Variants in BMPER observed in about 807,000 individuals in gnomAD.
BMPER encodes the protein BMP binding endothelial regulator.
In BMPER, 45 loss-of-function variants were observed where a neutral mutation model predicts 87.3. That is an observed-to-expected ratio of 0.52 (90% CI 0.41 to 0.66). The LOEUF (loss-of-function observed/expected upper bound fraction) is 0.66, where lower values mean the gene tolerates loss of function less well. Among genes scored for constraint, BMPER ranks in the 30% least tolerant of loss-of-function variants. BMPER has a pLI of 0.00. For synonymous variants in BMPER, 326 were observed against 316.2 expected, an observed-to-expected ratio of 1.03 and a Z score of -0.33; for missense variants, 784 against 867.5, an observed-to-expected ratio of 0.90 and a Z score of 1.21.
At chr7:33,967,025 C>T (rs1785423092) in intron 4 of BMPER, among the ~76,000 whole-genome samples, 1 of 152,120 alleles carries the variant, frequency 6.6e-6, no homozygotes, top group Non-Finnish European at 1.5e-5. Flanking sequence ...TGATTTCAAC[C>T]TGACAAATTA....
intron 6 of BMPER, among the ~76,000 whole-genome samples, chr7:33,990,343 T>G (rs1356328756): frequency 2.9e-5 from 4 of 138,484 alleles, no homozygotes; most frequent in Non-Finnish European, 4.7e-5. Flanking sequence ...CCCTTGTAAG[T>G]TGGATTCCTA....
chr7:33,914,267 C>T (rs10243847), intron 2 of BMPER, among the ~76,000 whole-genome samples: 39,207 of 152,108 alleles, frequency 0.26, 5,299 homozygotes, highest in Admixed American at 0.29. Flanking sequence ...GCCCGGCCTT[C>T]AGCACAATTT....
intron 6 of BMPER, among the ~76,000 whole-genome samples, chr7:34,019,154 G>A (rs1008165957): frequency 2.6e-5 from 4 of 151,984 alleles, no homozygotes; most frequent in African/African-American, 9.7e-5. Flanking sequence ...CTGCAGGATC[G>A]CATCACTGTG....
At chr7:34,114,714 G>C (rs1159981710) in intron 13 of BMPER, among the ~76,000 whole-genome samples, 1 of 152,256 alleles carries the variant, frequency 6.6e-6, no homozygotes, top group African/African-American at 2.4e-5. Flanking sequence ...AAGGCATCCT[G>C]AGGAAGGTAA....
chr7:33,994,326 G>C (rs189361790), intron 6 of BMPER, among the ~76,000 whole-genome samples: 1 of 152,292 alleles, frequency 6.6e-6, no homozygotes, highest in East Asian at 1.9e-4. Flanking sequence ...CTCGTGATGC[G>C]CTGTTTTTTA....
At chr7:33,985,718 C>G (rs538006077) in intron 6 of BMPER, among the ~76,000 whole-genome samples, 42 of 151,710 alleles carry the variant, frequency 2.8e-4, no homozygotes, top group African/African-American at 7.5e-4. Context: ...ATATGTTTAT[C>G]AGCCATTTGT....
intron 13 of BMPER, among the ~76,000 whole-genome samples, chr7:34,105,282 C>T (rs1008893810): frequency 1.2e-4 from 19 of 152,200 alleles, no homozygotes; most frequent in African/African-American, 2.4e-4. Flanking sequence ...ATTCCTTGCA[C>T]ATCAGCAGAG....
intron 6 of BMPER, among the ~76,000 whole-genome samples, chr7:34,014,546 G>A (rs1786970138): frequency 6.6e-6 from 1 of 151,896 alleles, no homozygotes; most frequent in Non-Finnish European, 1.5e-5. Flanking sequence ...CATCCCTGTA[G>A]GTCTGTTGAG....
At chr7:34,041,000 TACCAGGGAAGACAC>T (rs1303603604) in intron 6 of BMPER, among the ~76,000 whole-genome samples, 1 of 152,190 alleles carries the variant, frequency 6.6e-6, no homozygotes, top group East Asian at 1.9e-4. Context: ...AACCAGCATC[TACCAGGGAAGACAC>T]AAGAGACGTC....
chr7:34,128,095 G>C (rs530761708), intron 13 of BMPER, among the ~76,000 whole-genome samples: 3 of 152,256 alleles, frequency 2.0e-5, no homozygotes, highest in African/African-American at 7.2e-5. Context: ...CGTGATGTCT[G>C]TTCCCCTTCT....
intron 6 of BMPER, among the ~76,000 whole-genome samples, chr7:33,982,193 C>T (rs1266439634): frequency 1.4e-4 from 21 of 152,158 alleles, no homozygotes; most frequent in Admixed American, 1.4e-3. Flanking sequence ...TTGGGAACTT[C>T]GATGCCTGAA....
At chr7:34,143,135 A>C in intron 13 of BMPER, 95 bp from the exon 14 acceptor site, 1 of 1,564,120 alleles carries the variant, frequency 6.4e-7, no homozygotes, top group South Asian at 1.1e-5. Context: ...TGGGCCAATC[A>C]GGTTTTCCCA....
intron 14 of BMPER, among the ~76,000 whole-genome samples, chr7:34,146,041 A>G (rs1361023135): frequency 6.6e-6 from 1 of 151,770 alleles, no homozygotes; most frequent in Non-Finnish European, 1.5e-5. Flanking sequence ...TCTCACATAT[A>G]CACACACACA....
At chr7:33,980,854 A>G (rs1397757514) in intron 6 of BMPER, among the ~76,000 whole-genome samples, 3 of 152,246 alleles carry the variant, frequency 2.0e-5, no homozygotes, top group South Asian at 2.1e-4. Flanking sequence ...ACTGGCTCTT[A>G]GAAGCCCTGA....
chr7:33,917,425 G>T (rs1784111482), intron 2 of BMPER, among the ~76,000 whole-genome samples: 1 of 151,984 alleles, frequency 6.6e-6, no homozygotes, highest in Non-Finnish European at 1.5e-5. Flanking sequence ...TTAATGTTAG[G>T]TAATGGGTGG....
Position 33,981,321 on chromosome 7 carries a change from A to C in BMPER, c.576+6537A>C, listed in dbSNP as rs1785852125. Among the ~76,000 whole-genome samples, 3 of 152,128 alleles carry C rather than the reference A, an allele frequency of 2.0e-5. No individual in the cohort carries two copies. In the East Asian group the frequency reaches 5.8e-4, roughly 29 times the overall value. On this transcript the variant is annotated intron_variant, in intron 6 of 14. Transcript: ENST00000649409. ...GTCTTATATCTCATGGCTTTTACCT[A>C]GGCAGCTTTTTCCTTTTCTTCCCAT...
At chr7:34,142,442 A>G (rs1322051351) in intron 13 of BMPER, among the ~76,000 whole-genome samples, 5 of 152,218 alleles carry the variant, frequency 3.3e-5, no homozygotes, top group Non-Finnish European at 7.3e-5. Context: ...ACACTAATGT[A>G]AGGCCATTAT....
At chr7:34,090,066 G>T (rs1789338017) in intron 13 of BMPER, among the ~76,000 whole-genome samples, 1 of 152,096 alleles carries the variant, frequency 6.6e-6, no homozygotes, top group South Asian at 2.1e-4. Context: ...TTAACTAACT[G>T]AATATGTTTG....
intron 13 of BMPER, among the ~76,000 whole-genome samples, chr7:34,141,350 T>A (rs1323400750): frequency 2.0e-5 from 3 of 151,988 alleles, no homozygotes; most frequent in Non-Finnish European, 4.4e-5. Flanking sequence ...TGGCTCATGC[T>A]TGTAACCCCA....
Sources: gnomAD v4.1 joint callset for allele counts (sites outside exome capture counted in the v4.1 genomes callset) on GRCh38, gnomAD v4.1.1 for gene constraint, MANE v1.5 for transcripts, NCBI Gene and HGNC (gene_info 2026-07-23, HGNC 2026-07-21) for gene names.